Variants in MTHFD1L observed in about 807,000 individuals in gnomAD.
The protein encoded by MTHFD1L is methylenetetrahydrofolate dehydrogenase (NADP+ dependent) 1 like, also known as monofunctional C1-tetrahydrofolate synthase, mitochondrial.
MTHFD1L carries 81 observed loss-of-function variants against 119.5 expected under a neutral mutation model. That is an observed-to-expected ratio of 0.68 (90% confidence interval 0.57 to 0.82). The LOEUF is 0.82. Ranked by LOEUF, MTHFD1L falls within the 40% of genes least tolerant of loss-of-function variation. MTHFD1L has a pLI of 0.00. For missense variants in MTHFD1L, 1,125 were observed against 1,253.4 expected (o/e 0.90, Z 1.55); for synonymous variants, 430 against 475.2 (o/e 0.90, Z 1.24).
intron 7 of MTHFD1L, among the ~76,000 whole-genome samples, chr6:150,888,476 A>T (rs1782681919): frequency 6.6e-6 from 1 of 152,262 alleles, no homozygotes; most frequent in Admixed American, 6.5e-5. Flanking sequence ...AATTCTCACC[A>T]TAGTAAGTAC....
At chr6:150,877,708 AT>A in intron 3 of MTHFD1L, 24 bp downstream of exon 3, 1 of 1,614,230 alleles carries the variant, frequency 6.2e-7, no homozygotes, top group Non-Finnish European at 8.5e-7. Flanking sequence ...CTTTTAAAAA[AT>A]TCACTATAAC....
At position 150,882,876 on chromosome 6, in the gene MTHFD1L, G is replaced by A; in HGVS notation, c.532G>A (p.Asp178Asn). Residue 178 changes from aspartate (D) to asparagine (N), a missense_variant, in exon 5 of 28, where the codon GAT (aspartate) becomes AAT (asparagine). Physicochemically the swap from Asp to Asn is conservative, Grantham distance 23 (BLOSUM62 1). Transcript: ENST00000367321. ...CCTCAATGCCTTGAAACCAGAAAAA[G>A]ATGTGGATGGGTAAGAAAATAAAAT... ...KVLNALKPEK[D>N]VDGVTDINLG... 2 of 1,567,264 alleles carry A rather than the reference G, an allele frequency of 1.3e-6. No homozygotes were observed. The highest frequency in any genetic ancestry group is 8.6e-7 in the Non-Finnish European group (1 of 1,166,390).
At chr6:151,012,019 C>CAACAAAAAAAAAAAAAAAA (rs1340191391) in intron 21 of MTHFD1L, among the ~76,000 whole-genome samples, 1 of 58,840 alleles carries the variant, frequency 1.7e-5, no homozygotes, top group African/African-American at 5.8e-5. Context: ...ACAACAACAA[C>CAACAAAAAAAAAAAAAAAA]AAAAAAAAAA....
chr6:151,013,880 C>A, intron 22 of MTHFD1L, 60 bp downstream of exon 22: 1 of 1,476,468 alleles, frequency 6.8e-7, no homozygotes, highest in Non-Finnish European at 9.4e-7. Context: ...GACTCGTTGG[C>A]TTTCAGTGAA....
At chr6:150,936,629 C>T (rs1288139792) in intron 11 of MTHFD1L, among the ~76,000 whole-genome samples, 175 bp from the exon 12 acceptor site, 1 of 152,120 alleles carries the variant, frequency 6.6e-6, no homozygotes, top group Non-Finnish European at 1.5e-5. Context: ...TGTATCTTGA[C>T]TTTAGCTTAT....
intron 27 of MTHFD1L, among the ~76,000 whole-genome samples, chr6:151,096,846 C>A (rs914558220): frequency 5.9e-5 from 9 of 152,186 alleles, no homozygotes; most frequent in Non-Finnish European, 1.3e-4. Flanking sequence ...CCGTGTGAAA[C>A]CAAAGGTGAA....
At chr6:151,019,264 C>T (rs67602009) in intron 24 of MTHFD1L, among the ~76,000 whole-genome samples, 34,761 of 151,892 alleles carry the variant, frequency 0.23, 4,291 homozygotes, top group Middle Eastern at 0.31. Flanking sequence ...GATCATGAAC[C>T]ACCCCACTCT....
intron 12 of MTHFD1L, among the ~76,000 whole-genome samples, chr6:150,937,975 A>G (rs1025825281): frequency 1.3e-5 from 2 of 152,154 alleles, no homozygotes; most frequent in African/African-American, 4.8e-5. Context: ...TGAAGTTTAT[A>G]ATTTACTCAT....
At chr6:151,035,624 G>A (rs1051438711) in intron 25 of MTHFD1L, among the ~76,000 whole-genome samples, 1 of 152,042 alleles carries the variant, frequency 6.6e-6, no homozygotes, top group African/African-American at 2.4e-5. Flanking sequence ...TCATTCATGT[G>A]CAATGAACCA....
intron 7 of MTHFD1L, among the ~76,000 whole-genome samples, chr6:150,895,110 C>T (rs1784002672): frequency 6.6e-6 from 1 of 152,176 alleles, no homozygotes; most frequent in African/African-American, 2.4e-5. Context: ...CCCCGCCTTT[C>T]CTCCACCCAA....
intron 20 of MTHFD1L, among the ~76,000 whole-genome samples, chr6:151,000,286 G>A (rs1780425235): frequency 6.7e-6 from 1 of 150,244 alleles, no homozygotes; most frequent in South Asian, 2.1e-4. Flanking sequence ...GCAGTGAGCC[G>A]AGATCGTGCC....
intron 5 of MTHFD1L, among the ~76,000 whole-genome samples, chr6:150,884,068 G>A (rs1781808507): frequency 6.6e-6 from 1 of 152,018 alleles, no homozygotes; most frequent in Non-Finnish European, 1.5e-5. Context: ...CACTTTGGGA[G>A]GCCAAGGCAG....
chr6:150,982,437 A>G (rs937029829), intron 20 of MTHFD1L, among the ~76,000 whole-genome samples: 1 of 152,112 alleles, frequency 6.6e-6, no homozygotes, highest in Non-Finnish European at 1.5e-5. Flanking sequence ...TTTGTGCATT[A>G]TTTGTCAAGG....
rs187510820 is a variant in MTHFD1L at position 150,996,201 on chromosome 6, A to G, written c.2126-13618A>G. The stretch of plus-strand genomic sequence containing the variant: ...CTTCTTGGGCACACCGGAAGGACCC[A>G]GGAAAAGGAAGATAGTGTGGCCTGT... On this transcript the variant is annotated intron_variant, in intron 20 of 27. Transcript: ENST00000367321. Among the ~76,000 whole-genome samples, 633 of 152,312 alleles carry G rather than the reference A, an allele frequency of 4.2e-3. 7 individuals carry two copies. Among genetic ancestry groups the G allele is most frequent in the African/African-American group, 0.014 (578 of 41,570 alleles).
Position 150,933,138 on chromosome 6 carries a change from CTG to C in MTHFD1L, c.1257-3662_1257-3661del, listed in dbSNP as rs1409522670. ...TTAGTTGGCAGAAAGCTGAGCAGTC[CTG>C]TGTTTCTAATTAAGAATTGGATGGT... On this transcript the variant is annotated intron_variant, in intron 11 of 27. Coordinates refer to ENST00000367321, the MANE Select transcript of MTHFD1L (RefSeq NM_015440.5). 2.0e-5 allele frequency among the ~76,000 whole-genome samples: 3 copies of C among 152,164 alleles called. No homozygotes were observed. The East Asian group carries it at 5.8e-4, about 29-fold the overall frequency.
intron 7 of MTHFD1L, among the ~76,000 whole-genome samples, chr6:150,904,373 A>C (rs1390210558): frequency 2.0e-5 from 3 of 152,144 alleles, no homozygotes; most frequent in East Asian, 3.9e-4. Flanking sequence ...AGAGACCATC[A>C]GTCGCCCTCT....
chr6:151,027,808 G>C (rs1784791773), intron 24 of MTHFD1L, among the ~76,000 whole-genome samples: 1 of 152,128 alleles, frequency 6.6e-6, no homozygotes, highest in Non-Finnish European at 1.5e-5. Context: ...AATTGTACTT[G>C]TGAGTGAAAA....
chr6:151,007,321 C>T (rs536434494), intron 20 of MTHFD1L, among the ~76,000 whole-genome samples: 2 of 151,732 alleles, frequency 1.3e-5, no homozygotes, highest in South Asian at 4.1e-4. Context: ...CCCTGCAGGG[C>T]TTCAGGGTAG....
At chr6:150,975,802 A>G (rs1470573185) in intron 20 of MTHFD1L, among the ~76,000 whole-genome samples, 6 of 152,176 alleles carry the variant, frequency 3.9e-5, no homozygotes, top group Non-Finnish European at 7.3e-5. Context: ...CACTTTTGGC[A>G]GAAGCCCCCT....
Sources: allele counts gnomAD v4.1 joint callset (sites outside exome capture counted in the v4.1 genomes callset), GRCh38; gene constraint gnomAD v4.1.1; transcripts MANE v1.5; gene names NCBI Gene and HGNC (gene_info 2026-07-23, HGNC 2026-07-21).